ZFHX3: variants seen among roughly 807,000 people sequenced by gnomAD.
ZFHX3 encodes zinc finger homeobox 3.
Under a neutral mutation model 279.1 loss-of-function variants are expected in ZFHX3, and 42 were observed. The observed-to-expected ratio is 0.15, with a 90% confidence interval of 0.12 to 0.19. The LOEUF (loss-of-function observed/expected upper bound fraction) is 0.19, where lower values mean the gene tolerates loss of function less well. ZFHX3 is among the 10% of genes least tolerant of loss of function. ZFHX3 has a pLI of 1.00. For missense variants in ZFHX3, 4,981 were observed against 4,754.0 expected (o/e 1.05, Z -1.40); for synonymous variants, 2,293 against 1,957.8 (o/e 1.17, Z -4.52).
At chr16:73,359,807 CCT>C (rs2016405847) in intron 3 of ZFHX3, among the ~76,000 whole-genome samples, 1 of 152,134 alleles carries the variant, frequency 6.6e-6, no homozygotes, top group Non-Finnish European at 1.5e-5. Context: ...TGATTTCCGC[CCT>C]GAGTTGTGGG....
intron 7 of ZFHX3, among the ~76,000 whole-genome samples, chr16:72,806,242 G>A (rs1056807663): frequency 2.0e-5 from 3 of 152,144 alleles, no homozygotes; most frequent in African/African-American, 4.8e-5. Context: ...CTGTAGGGCC[G>A]TGTTAACATT....
intron 6 of ZFHX3, among the ~76,000 whole-genome samples, chr16:73,140,858 A>C (rs766244137): frequency 6.6e-6 from 1 of 152,130 alleles, no homozygotes; most frequent in Non-Finnish European, 1.5e-5. Context: ...TCCCAAAAAC[A>C]ACAAACAAAC....
At chr16:73,625,990 TG>T (rs2052412302) in intron 2 of ZFHX3, among the ~76,000 whole-genome samples, 1 of 152,144 alleles carries the variant, frequency 6.6e-6, no homozygotes, top group Non-Finnish European at 1.5e-5. Flanking sequence ...CCCAAATAGC[TG>T]GGACTACAGG....
intron 3 of ZFHX3, among the ~76,000 whole-genome samples, chr16:73,372,635 A>G (rs2016651538): frequency 6.6e-6 from 1 of 152,228 alleles, no homozygotes; most frequent in Non-Finnish European, 1.5e-5. Flanking sequence ...AGGGAAATGT[A>G]AATTTCAGCG....
chr16:73,591,014 G>A (rs367771550), intron 2 of ZFHX3, among the ~76,000 whole-genome samples: 4 of 152,276 alleles, frequency 2.6e-5, no homozygotes, highest in South Asian at 2.1e-4. Context: ...GGTGCAAACC[G>A]CAAAATCCAA....
chr16:73,048,339 C>T (rs1450818392), upstream of ZFHX3: 2 of 151,768 alleles, frequency 1.3e-5, no homozygotes, highest in Non-Finnish European at 2.9e-5. Context: ...CGCGCCCGCC[C>T]GCCCGCAGGG....
chr16:73,036,405 C>T (rs1351670231), intron 1 of ZFHX3, among the ~76,000 whole-genome samples: 2 of 152,052 alleles, frequency 1.3e-5, no homozygotes, highest in Non-Finnish European at 2.9e-5. Context: ...CAGGAATGCG[C>T]TCTGCCGCTT....
At chr16:73,816,002 G>C (rs1228999174) in intron 1 of ZFHX3, 1 of 152,192 alleles carries the variant, frequency 6.6e-6, no homozygotes, top group Non-Finnish European at 1.5e-5. Context: ...TCACTACTTT[G>C]TGGGCTCAAT....
rs1248439555 is a variant in ZFHX3, at chr16:73,011,482, C to A, written c.-50+36270G>T. ...TCTGGGCTGGGCGTGGTGGCTCATACCTGTAATCCCAGTACTTTGGGAGGC... is the reference window on the plus strand; with the variant it reads ...TCTGGGCTGGGCGTGGTGGCTCATAACTGTAATCCCAGTACTTTGGGAGGC... On this transcript the variant is annotated intron_variant, in intron 1 of 9. Coordinates refer to ENST00000268489, the MANE Select transcript of ZFHX3 (RefSeq NM_006885.4). Among the ~76,000 whole-genome samples the A allele has an allele frequency of 2.6e-5, 4 of 150,980 alleles. No individual in the cohort carries two copies. In the South Asian group the frequency reaches 6.5e-4, roughly 25 times the overall value.
At chr16:72,832,534 T>G (rs1231794238) in intron 4 of ZFHX3, among the ~76,000 whole-genome samples, 1 of 152,254 alleles carries the variant, frequency 6.6e-6, no homozygotes, top group Non-Finnish European at 1.5e-5. Context: ...CTTGAGTTCC[T>G]AGGTTTAATA....
In ZFHX3 at chr16:73,653,922, C is replaced by T. The variant is rs534134509; in HGVS notation, c.-1547+26258G>A. On this transcript the variant is annotated intron_variant, in intron 2 of 17. Transcript: ENST00000641206. ...AAAGAGGGCCGGGCACGGTGGCTCA[C>T]GCCTGTAATCCCAGCACTTTGAGAG... Among the ~76,000 whole-genome samples the T allele has an allele frequency of 2.6e-5, 4 of 152,278 alleles. 1 individual carries two copies. The highest frequency in any genetic ancestry group is 9.6e-5 in the African/African-American group (4 of 41,568).
intron 7 of ZFHX3, among the ~76,000 whole-genome samples, chr16:73,120,466 G>T (rs1036582828): frequency 6.6e-6 from 1 of 151,828 alleles, no homozygotes; most frequent in Non-Finnish European, 1.5e-5. Flanking sequence ...TAGAGACAGG[G>T]TCTCACTCCA....
rs111484026 is a variant in ZFHX3, at chr16:73,090,010, C to A, written c.-533+3225G>T. ...GGCATGTGTCCTCTCCTGACAATGC[C>A]TTGCCTGCAACAATATCAACCCCTC... is the stretch of plus-strand genomic sequence containing the variant. On this transcript the variant is annotated intron_variant, in intron 8 of 17. Coordinates refer to the ZFHX3 transcript ENST00000641206. Among the ~76,000 whole-genome samples, 531 of 152,354 alleles carry A rather than the reference C, an allele frequency of 3.5e-3. 5 individuals are homozygous for A. The highest frequency in any genetic ancestry group is 0.012 in the African/African-American group (505 of 41,588).
At chr16:73,128,342 A>C (rs575958673) in intron 7 of ZFHX3, among the ~76,000 whole-genome samples, 4 of 152,364 alleles carry the variant, frequency 2.6e-5, no homozygotes, top group African/African-American at 7.2e-5. Flanking sequence ...CAGGCACGGC[A>C]AAAGCTCTGC....
Position 72,958,823 on chromosome 16 carries a change from T to C in ZFHX3, c.1323A>G (p.Gly441=). Reference sequence around the variant, plus strand: ...CCCCGTCGCCCACTTCCTGCTTCTCTCCTTCTGCCGCCCCAGAGTCCTTGC... The same window carrying C: ...CCCCGTCGCCCACTTCCTGCTTCTCCCCTTCTGCCGCCCCAGAGTCCTTGC... ...SEGKDSGAAE[G]EKQEVGDGDC... The change falls in exon 2 of 10, where the codon GGA becomes GGG. Residue 441 remains glycine, a synonymous_variant. Transcript: ENST00000268489. 6.2e-7 allele frequency: 1 copy of C among 1,614,054 alleles called. No homozygotes were observed. The highest frequency in any genetic ancestry group is 1.7e-4 in the Middle Eastern group (1 of 6,060).
intron 3 of ZFHX3, among the ~76,000 whole-genome samples, chr16:73,322,966 A>G (rs544395433): frequency 6.6e-6 from 1 of 152,328 alleles, no homozygotes; most frequent in African/African-American, 2.4e-5. Flanking sequence ...TCAAAGACAC[A>G]TTGTTTACAT....
intron 2 of ZFHX3, among the ~76,000 whole-genome samples, chr16:73,472,737 C>T (rs2018691172): frequency 6.6e-6 from 1 of 152,122 alleles, no homozygotes; most frequent in Non-Finnish European, 1.5e-5. Context: ...TTGGTTAGTC[C>T]AGCTCCTTCC....
intron 2 of ZFHX3, among the ~76,000 whole-genome samples, chr16:73,673,012 C>T (rs2052919256): frequency 6.6e-6 from 1 of 152,068 alleles, no homozygotes; most frequent in Non-Finnish European, 1.5e-5. Flanking sequence ...TTGGAAACAT[C>T]ATATTGAGTG....
chr16:73,156,196 C>G (rs1204794293), intron 5 of ZFHX3, among the ~76,000 whole-genome samples: 1 of 141,204 alleles, frequency 7.1e-6, no homozygotes, highest in Non-Finnish European at 1.5e-5. Context: ...CGCACCACTG[C>G]ACTCCAGCCT....
Sources: gnomAD v4.1 joint callset for allele counts (sites outside exome capture counted in the v4.1 genomes callset) on GRCh38, gnomAD v4.1.1 for gene constraint, MANE v1.5 for transcripts, NCBI Gene and HGNC (gene_info 2026-07-23, HGNC 2026-07-21) for gene names.